The following VAT1L variants were observed in gnomAD, a reference collection of about 807,000 sequenced individuals.
VAT1L encodes the protein putative NADPH-dependent quinone oxidoreductase VAT1L.
In VAT1L, 34 loss-of-function variants were observed where a neutral mutation model predicts 44.1. That is an observed-to-expected ratio of 0.77 (90% CI 0.59 to 1.03). The LOEUF is 1.03. Among genes scored for constraint, VAT1L ranks in the 50% least tolerant of loss-of-function variants. The probability of loss-of-function intolerance (pLI) is 0.00; values close to 1 mark genes in which losing one functional copy is unlikely to be tolerated. For missense variants in VAT1L, 615 were observed against 538.8 expected (o/e 1.14, Z -1.40); for synonymous variants, 253 against 202.2 (o/e 1.25, Z -2.13).
intron 1 of VAT1L, among the ~76,000 whole-genome samples, chr16:77,813,849 T>C (rs74029419): frequency 0.017 from 2,567 of 152,276 alleles, 78 homozygotes; most frequent in African/African-American, 0.057. Context: ...ACTCCTCCAA[T>C]ACTGGGCCCA....
chr16:77,955,728 C>CAAA (rs373457974), intron 7 of VAT1L, among the ~76,000 whole-genome samples: 16 of 99,996 alleles, frequency 1.6e-4, no homozygotes, highest in African/African-American at 2.0e-4. Context: ...ATCCCCCCCC[C>CAAA]CAAAAAAAAA....
intron 3 of VAT1L, among the ~76,000 whole-genome samples, chr16:77,845,712 C>T (rs920987801): frequency 1.7e-4 from 26 of 152,176 alleles, no homozygotes; most frequent in Admixed American, 1.4e-3. Flanking sequence ...ACTGTCCAAC[C>T]GTCCACCCTG....
chr16:77,916,899 T>A (rs1396099529), intron 7 of VAT1L, among the ~76,000 whole-genome samples: 1 of 152,012 alleles, frequency 6.6e-6, no homozygotes, highest in East Asian at 1.9e-4. Flanking sequence ...TTAGTAGCGA[T>A]TGCACTCATG....
rs576751887 is a variant in VAT1L at position 77,933,093 on chromosome 16, T to C, written c.1078-38757T>C. Reference sequence around the variant, plus strand: ...CCAGATATGGAAAAGTACAAATCTTTCCACCTCAGGACCCTAAGTTCTTAG... The same window carrying C: ...CCAGATATGGAAAAGTACAAATCTTCCCACCTCAGGACCCTAAGTTCTTAG... On this transcript the variant is annotated intron_variant, in intron 7 of 8. Coordinates refer to ENST00000302536, the MANE Select transcript of VAT1L (RefSeq NM_020927.3). 5.3e-5 allele frequency among the ~76,000 whole-genome samples: 8 copies of C among 152,314 alleles called. No homozygotes were observed. In the South Asian group the frequency reaches 1.5e-3, roughly 28 times the overall value.
At chr16:77,965,391 C>T (rs1032806226) in intron 7 of VAT1L, among the ~76,000 whole-genome samples, 1 of 152,174 alleles carries the variant, frequency 6.6e-6, no homozygotes, top group Non-Finnish European at 1.5e-5. Flanking sequence ...TGCCACCATG[C>T]ACTTGGGATG....
intron 3 of VAT1L, among the ~76,000 whole-genome samples, chr16:77,834,187 G>C (rs2016614170): frequency 6.6e-6 from 1 of 152,052 alleles, no homozygotes; most frequent in African/African-American, 2.4e-5. Flanking sequence ...CTAGGCCCTT[G>C]CCTTCCTTTC....
At chr16:77,836,725 T>A (rs1361472702) in intron 3 of VAT1L, among the ~76,000 whole-genome samples, 2 of 152,198 alleles carry the variant, frequency 1.3e-5, no homozygotes, top group Non-Finnish European at 2.9e-5. Flanking sequence ...CCAATCCACG[T>A]CTATTGCTGA....
intron 7 of VAT1L, among the ~76,000 whole-genome samples, chr16:77,946,350 C>T (rs1403296877): frequency 1.7e-5 from 2 of 119,746 alleles, no homozygotes; most frequent in South Asian, 3.0e-4. Flanking sequence ...GTGGTGAGAT[C>T]TCAGCTCACT....
chr16:77,796,367 G>C (rs2015933973), intron 1 of VAT1L, among the ~76,000 whole-genome samples: 1 of 152,100 alleles, frequency 6.6e-6, no homozygotes, highest in Non-Finnish European at 1.5e-5. Flanking sequence ...ATGTACCTCA[G>C]CTTTTCATCT....
intron 1 of VAT1L, among the ~76,000 whole-genome samples, chr16:77,814,658 A>G (rs552811762): frequency 6.6e-6 from 1 of 152,252 alleles, no homozygotes. Context: ...AAAGAAAAAC[A>G]CAATGAGCTA....
chr16:77,799,384 C>T (rs1030330517), intron 1 of VAT1L, among the ~76,000 whole-genome samples: 3 of 151,908 alleles, frequency 2.0e-5, no homozygotes, highest in Non-Finnish European at 4.4e-5. Context: ...TCTCTCTCCT[C>T]TTTCTCTCTC....
At chr16:77,872,925 C>G (rs2142450657) in intron 4 of VAT1L, among the ~76,000 whole-genome samples, 1 of 152,224 alleles carries the variant, frequency 6.6e-6, no homozygotes, top group Middle Eastern at 3.4e-3. Context: ...TTGTGGGACT[C>G]TGAACTTGGG....
chr16:77,821,276 G>A (rs1450633890), intron 2 of VAT1L, among the ~76,000 whole-genome samples: 1 of 151,910 alleles, frequency 6.6e-6, no homozygotes, highest in African/African-American at 2.4e-5. Context: ...TAAGGAATTA[G>A]GTGGACTTTT....
intron 3 of VAT1L, among the ~76,000 whole-genome samples, chr16:77,828,993 T>A (rs1301651940): frequency 2.6e-5 from 4 of 152,210 alleles, no homozygotes; most frequent in Admixed American, 2.0e-4. Flanking sequence ...ACTACCACTT[T>A]CCTGGGGCTG....
intron 7 of VAT1L, among the ~76,000 whole-genome samples, chr16:77,928,182 A>G (rs1314182078): frequency 6.6e-6 from 1 of 152,206 alleles, no homozygotes; most frequent in Non-Finnish European, 1.5e-5. Context: ...AAGATGAACC[A>G]GAGCAAGACC....
chr16:77,947,689 C>A (rs1109541), intron 7 of VAT1L, among the ~76,000 whole-genome samples: 34,276 of 152,130 alleles, frequency 0.23, 5,057 homozygotes, highest in Non-Finnish European at 0.31. Flanking sequence ...ATGAGCAATG[C>A]ATTCAGTCCT....
At chr16:77,971,803 G>T (rs746572089) in intron 7 of VAT1L, 47 bp from the exon 8 acceptor site, 11 of 1,579,310 alleles carry the variant, frequency 7.0e-6, no homozygotes, top group Non-Finnish European at 9.5e-6. Flanking sequence ...TTTAACTGGG[G>T]AACATCTCGC....
intron 7 of VAT1L, among the ~76,000 whole-genome samples, chr16:77,933,909 A>G (rs1324256423): frequency 1.3e-5 from 2 of 152,220 alleles, no homozygotes; most frequent in Non-Finnish European, 2.9e-5. Context: ...ACAATCGGGA[A>G]TCTGGAAAAT....
intron 7 of VAT1L, among the ~76,000 whole-genome samples, chr16:77,912,725 A>G (rs2017511846): frequency 6.6e-6 from 1 of 152,126 alleles, no homozygotes. Flanking sequence ...AGTCTGCTCA[A>G]GATGCTTGAA....
Sources: gnomAD v4.1 joint callset for allele counts (sites outside exome capture counted in the v4.1 genomes callset) on GRCh38, gnomAD v4.1.1 for gene constraint, MANE v1.5 for transcripts, NCBI Gene and HGNC (gene_info 2026-07-23, HGNC 2026-07-21) for gene names.